FOXN3: variants seen among roughly 807,000 people sequenced by gnomAD.
FOXN3 encodes the protein forkhead box N3.
A neutral mutation model predicts 38.4 loss-of-function variants in FOXN3; 7 were observed. The observed-to-expected ratio is 0.18, with a 90% CI of 0.10 to 0.34. The LOEUF is 0.34. FOXN3 is among the 10% of genes least tolerant of loss of function. The probability of loss-of-function intolerance (pLI) is 1.00; values close to 1 mark genes in which losing one functional copy is unlikely to be tolerated. For missense variants in FOXN3, 456 were observed against 613.4 expected (o/e 0.74, Z 2.71); for synonymous variants, 230 against 242.2 (o/e 0.95, Z 0.47).
chr14:89,221,822 T>C (rs1884472741), intron 4 of FOXN3, among the ~76,000 whole-genome samples: 1 of 151,584 alleles, frequency 6.6e-6, no homozygotes, highest in Admixed American at 6.6e-5. Flanking sequence ...CCTGTCTATA[T>C]AATCTTTTTT....
intron 1 of FOXN3, among the ~76,000 whole-genome samples, chr14:89,543,956 A>G (rs1894837775): frequency 6.6e-6 from 1 of 152,186 alleles, no homozygotes; most frequent in Admixed American, 6.5e-5. Context: ...AATGTTATGA[A>G]GATGGAGCTT....
intron 3 of FOXN3, among the ~76,000 whole-genome samples, chr14:89,293,194 C>T (rs1167645122): frequency 6.6e-6 from 1 of 152,256 alleles, no homozygotes; most frequent in Admixed American, 6.5e-5. Context: ...CACAGAGCAG[C>T]TTTCAGCTGC....
At chr14:89,223,829 A>G (rs1884547306) in intron 4 of FOXN3, among the ~76,000 whole-genome samples, 1 of 152,218 alleles carries the variant, frequency 6.6e-6, no homozygotes, top group Admixed American at 6.5e-5. Flanking sequence ...TTTAGAATAA[A>G]GCAGAGAAAT....
chr14:89,382,774 G>T (rs985340078), intron 2 of FOXN3, among the ~76,000 whole-genome samples: 1 of 152,166 alleles, frequency 6.6e-6, no homozygotes, highest in Non-Finnish European at 1.5e-5. Flanking sequence ...ATATGAAACC[G>T]CTTGGCAAAG....
intron 1 of FOXN3, among the ~76,000 whole-genome samples, chr14:89,584,149 A>T (rs1209998808): frequency 6.7e-6 from 1 of 150,204 alleles, no homozygotes; most frequent in East Asian, 2.0e-4. Context: ...ATGAGCCACC[A>T]CACCTGGCCC....
At chr14:89,539,047 T>C (rs1894745068) in intron 1 of FOXN3, among the ~76,000 whole-genome samples, 1 of 152,114 alleles carries the variant, frequency 6.6e-6, no homozygotes, top group Admixed American at 6.5e-5. Flanking sequence ...TTTTACCACG[T>C]TGGCCAGGCT....
intron 3 of FOXN3, among the ~76,000 whole-genome samples, chr14:89,289,536 T>C (rs1158165397): frequency 6.6e-6 from 1 of 152,220 alleles, no homozygotes; most frequent in African/African-American, 2.4e-5. Flanking sequence ...CAAAAATCTC[T>C]TATGCAGAAA....
At chr14:89,205,552 G>A (rs539844785) in intron 4 of FOXN3, among the ~76,000 whole-genome samples, 9 of 152,330 alleles carry the variant, frequency 5.9e-5, no homozygotes, top group South Asian at 2.1e-4. Context: ...CACATCGACC[G>A]ACACCAACAG....
intron 2 of FOXN3, among the ~76,000 whole-genome samples, chr14:89,410,298 C>G (rs1891510168): frequency 6.6e-6 from 1 of 152,166 alleles, no homozygotes; most frequent in Non-Finnish European, 1.5e-5. Flanking sequence ...TTGAAGGCCC[C>G]AGCCCCGCAC....
At chr14:89,491,591 G>A (rs962922575) in intron 1 of FOXN3, among the ~76,000 whole-genome samples, 1 of 152,202 alleles carries the variant, frequency 6.6e-6, no homozygotes, top group African/African-American at 2.4e-5. Context: ...GAAACTCAAA[G>A]TGGAAAGCCC....
intron 4 of FOXN3, among the ~76,000 whole-genome samples, chr14:89,224,288 T>C: frequency 6.6e-6 from 1 of 152,220 alleles, no homozygotes; most frequent in East Asian, 1.9e-4. Context: ...GGAGTTTAAT[T>C]AACTAAGTTT....
chr14:89,469,890 G>A (rs1893056104), intron 1 of FOXN3, among the ~76,000 whole-genome samples: 1 of 152,248 alleles, frequency 6.6e-6, no homozygotes, highest in Non-Finnish European at 1.5e-5. Flanking sequence ...GGATCCTGGT[G>A]AATGTCAGCG....
intron 3 of FOXN3, among the ~76,000 whole-genome samples, chr14:89,330,511 T>A (rs139109174): frequency 6.6e-6 from 1 of 152,324 alleles, no homozygotes; most frequent in East Asian, 1.9e-4. Flanking sequence ...TAGGAGCATG[T>A]CGCTTGAATT....
intron 1 of FOXN3, among the ~76,000 whole-genome samples, chr14:89,498,210 C>CTCTCT (rs1566676030): frequency 2.5e-5 from 2 of 81,070 alleles, no homozygotes; most frequent in African/African-American, 1.2e-4. Context: ...CTCTCTCTCT[C>CTCTCT]TTTTTTTTTT....
intron 3 of FOXN3, among the ~76,000 whole-genome samples, chr14:89,294,160 T>A (rs994605356): frequency 3.9e-5 from 6 of 152,104 alleles, no homozygotes; most frequent in Admixed American, 3.3e-4. Context: ...CAAGTTAAGA[T>A]GTCCTCTCCT....
intron 1 of FOXN3, among the ~76,000 whole-genome samples, chr14:89,431,223 G>A (rs1892149324): frequency 1.3e-5 from 2 of 151,904 alleles, no homozygotes; most frequent in South Asian, 4.2e-4. Flanking sequence ...TTGAGACAGA[G>A]TCTCTCTCTC....
intron 1 of FOXN3, among the ~76,000 whole-genome samples, chr14:89,428,798 C>G (rs751361757): frequency 6.6e-6 from 1 of 152,230 alleles, no homozygotes; most frequent in South Asian, 2.1e-4. Flanking sequence ...CAGGCCTCCA[C>G]GCCCCACGAG....
At chr14:89,441,235 T>C (rs1892376459) in intron 1 of FOXN3, among the ~76,000 whole-genome samples, 1 of 152,128 alleles carries the variant, frequency 6.6e-6, no homozygotes, top group African/African-American at 2.4e-5. Context: ...CAACTGCATC[T>C]GCATAATGCT....
intron 3 of FOXN3, among the ~76,000 whole-genome samples, chr14:89,295,218 C>A (rs547595816): frequency 6.6e-6 from 1 of 152,322 alleles, no homozygotes; most frequent in Admixed American, 6.5e-5. Flanking sequence ...GCCTATTCAT[C>A]CTTTAATGTT....
Sources: gnomAD v4.1 joint callset for allele counts (sites outside exome capture counted in the v4.1 genomes callset) on GRCh38, gnomAD v4.1.1 for gene constraint, MANE v1.5 for transcripts, NCBI Gene and HGNC (gene_info 2026-07-23, HGNC 2026-07-21) for gene names.